The following ABL2 variants were observed in gnomAD, a reference collection of about 807,000 sequenced individuals.
ABL2 encodes ABL proto-oncogene 2, non-receptor tyrosine kinase, also known as tyrosine-protein kinase ABL2.
In ABL2, 49 loss-of-function variants were observed where a neutral mutation model predicts 107.7. The observed-to-expected ratio is 0.45, with a 90% CI of 0.36 to 0.58. ABL2 has a LOEUF of 0.58. Ranked by LOEUF, ABL2 falls within the 20% of genes least tolerant of loss-of-function variation. ABL2 has a pLI of 0.00. For synonymous variants in ABL2, 549 were observed against 548.6 expected (o/e 1.00, Z -0.01); for missense variants, 1,245 against 1,457.0 (o/e 0.85, Z 2.37).
At chr1:179,175,287 T>C (rs1461654551) in intron 1 of ABL2, among the ~76,000 whole-genome samples, 1 of 147,108 alleles carries the variant, frequency 6.8e-6, no homozygotes, top group African/African-American at 2.4e-5. Flanking sequence ...ACAATAGCAA[T>C]AGGATGTCAA....
chr1:179,151,685 T>C (rs988351844), intron 1 of ABL2, among the ~76,000 whole-genome samples: 1 of 152,250 alleles, frequency 6.6e-6, no homozygotes, highest in African/African-American at 2.4e-5. Flanking sequence ...AACTTTTTTT[T>C]CATAACCATT....
intron 1 of ABL2, among the ~76,000 whole-genome samples, chr1:179,186,768 G>A (rs745871186): frequency 2.0e-5 from 3 of 151,386 alleles, no homozygotes; most frequent in Non-Finnish European, 4.4e-5. Flanking sequence ...ACAGAGTCTC[G>A]TTCTGTCACT....
At position 179,108,201 on chromosome 1, in the gene ABL2, T is replaced by C. The variant is rs1402651170; in HGVS notation, c.3066A>G (p.Gly1022=). 1.9e-6 allele frequency: 3 copies of C among 1,614,176 alleles called. No homozygotes were observed. The highest frequency in any genetic ancestry group is 2.2e-5 in the South Asian group (2 of 91,078). ...GQSTSETQEG[G]KKAALGAVPI... ...GCACTGCGCCCAGAGCTGCCTTCTT[T>C]CCTCCTTCCTGTGTTTCTGATGTGG... is the stretch of plus-strand genomic sequence containing the variant. The change falls in exon 12 of 12, where the codon GGA becomes GGG. Residue 1022 remains glycine, a synonymous_variant. Coordinates refer to ENST00000502732, the MANE Select transcript of ABL2 (RefSeq NM_007314.4).
At chr1:179,122,852 G>A (rs1655358087) in intron 4 of ABL2, among the ~76,000 whole-genome samples, 1 of 152,004 alleles carries the variant, frequency 6.6e-6, no homozygotes, top group African/African-American at 2.4e-5. Context: ...TAGAGATGGG[G>A]TTTCACCATG....
chr1:179,201,064 C>T (rs1661640220), intron 1 of ABL2, among the ~76,000 whole-genome samples: 1 of 152,178 alleles, frequency 6.6e-6, no homozygotes, highest in Non-Finnish European at 1.5e-5. Flanking sequence ...AGCTTAGGCA[C>T]AATGGGCCAC....
At chr1:179,164,172 C>A (rs944451210) in intron 1 of ABL2, among the ~76,000 whole-genome samples, 1 of 151,960 alleles carries the variant, frequency 6.6e-6, no homozygotes, top group Non-Finnish European at 1.5e-5. Context: ...AATAAACCAA[C>A]AAAATCCATT....
At chr1:179,163,254 A>G (rs1216773194) in intron 1 of ABL2, among the ~76,000 whole-genome samples, 2 of 152,214 alleles carry the variant, frequency 1.3e-5, no homozygotes, top group African/African-American at 2.4e-5. Flanking sequence ...AAGCAGACCA[A>G]CTGGAACTCT....
At chr1:179,119,144 A>G (rs1343590265) in intron 6 of ABL2, among the ~76,000 whole-genome samples, 1 of 152,164 alleles carries the variant, frequency 6.6e-6, no homozygotes, top group Non-Finnish European at 1.5e-5. Flanking sequence ...ATTGTGCACA[A>G]GCTGAAGACT....
intron 1 of ABL2, among the ~76,000 whole-genome samples, chr1:179,226,061 AAAAAAAAAAG>A: frequency 6.7e-6 from 1 of 149,934 alleles, no homozygotes; most frequent in Non-Finnish European, 1.5e-5. Flanking sequence ...AAAAAAAAAA[AAAAAAAAAAG>A]AAACTATGAT....
At chr1:179,176,365 T>C (rs905204800) in intron 1 of ABL2, among the ~76,000 whole-genome samples, 32 of 152,190 alleles carry the variant, frequency 2.1e-4, no homozygotes, top group Non-Finnish European at 3.8e-4. Context: ...ACACAAAGAA[T>C]AAATGCTTGA....
Position 179,177,909 on chromosome 1 carries a change from C to T in ABL2, c.158-44535G>A, listed in dbSNP as rs537852325. ...GACTTCTAATAGAATACCCACAATA[C>T]GGGATCCAAGACTCTGGTCTCCCTA... is the stretch of plus-strand genomic sequence containing the variant. On this transcript the variant is annotated intron_variant, in intron 1 of 11. Coordinates refer to ENST00000502732, the MANE Select transcript of ABL2 (RefSeq NM_007314.4). 7.9e-5 allele frequency among the ~76,000 whole-genome samples: 12 copies of T among 152,250 alleles called. No individual in the cohort carries two copies. The South Asian group carries it at 1.4e-3, about 18-fold the overall frequency.
intron 1 of ABL2, chr1:179,183,874 CA>C: frequency 4.4e-6 from 1 of 228,276 alleles, no homozygotes; most frequent in Non-Finnish European, 8.4e-6. Context: ...ACGCCCACCT[CA>C]AAAGAAGAAA....
At chr1:179,229,179 CCCG>C in intron 1 of ABL2, 59 bp downstream of exon 1, 1 of 359,004 alleles carries the variant, frequency 2.8e-6, no homozygotes, top group Non-Finnish European at 5.5e-6. Context: ...CGCCACCCAC[CCCG>C]CCCCGACCCC....
intron 9 of ABL2, among the ~76,000 whole-genome samples, chr1:179,114,480 TCACTTTCCTACTTTTTCATCTG>T (rs1654425389): frequency 6.6e-6 from 1 of 152,078 alleles, no homozygotes; most frequent in Non-Finnish European, 1.5e-5. Context: ...AATCCACTAT[TCACTTTCCTACTTTTTCATCTG>T]CAAGCAATCG....
rs1369457985 is a variant in ABL2, at chr1:179,139,039, C to G, written c.158-5665G>C. 2.0e-5 allele frequency among the ~76,000 whole-genome samples: 3 copies of G among 152,350 alleles called. 1 individual carries two copies. In the South Asian group the frequency reaches 6.2e-4, roughly 32 times the overall value. On this transcript the variant is annotated intron_variant, in intron 1 of 11. Coordinates refer to ENST00000502732, the MANE Select transcript of ABL2 (RefSeq NM_007314.4). ...GGGTCCCCCAGCAGTGCCAGCCCAC[C>G]GGTGCTGCGCTCAATTTCTCGCTGG...
chr1:179,137,720 CA>C (rs1411570708), intron 1 of ABL2: 1 of 152,112 alleles, frequency 6.6e-6, no homozygotes, highest in African/African-American at 2.4e-5. Flanking sequence ...TTAAAGTTTA[CA>C]AAACAGTAAT....
intron 1 of ABL2, chr1:179,184,331 A>C (rs945078822): frequency 5.2e-6 from 3 of 573,472 alleles, no homozygotes; most frequent in Admixed American, 3.0e-5. Flanking sequence ...TTCCATCTTC[A>C]AAGTCCACTG....
chr1:179,164,911 T>C (rs887909707), intron 1 of ABL2, among the ~76,000 whole-genome samples: 1 of 152,232 alleles, frequency 6.6e-6, no homozygotes, highest in Admixed American at 6.5e-5. Context: ...GCTTTTTTCC[T>C]ACACAAATAA....
At chr1:179,142,998 T>C in intron 1 of ABL2, 1 of 1,614,208 alleles carries the variant, frequency 6.2e-7, no homozygotes, top group East Asian at 2.2e-5. Flanking sequence ...AGTGTCCTGA[T>C]CTCTGCCATA....
Sources: gnomAD v4.1 joint callset for allele counts (sites outside exome capture counted in the v4.1 genomes callset) on GRCh38, gnomAD v4.1.1 for gene constraint, MANE v1.5 for transcripts, NCBI Gene and HGNC (gene_info 2026-07-23, HGNC 2026-07-21) for gene names.